HPSE2: variants seen among roughly 807,000 people sequenced by gnomAD.
HPSE2 encodes inactive heparanase-2.
In HPSE2, 38 loss-of-function variants were observed where a neutral mutation model predicts 60.5. The observed-to-expected ratio is 0.63, with a 90% CI of 0.48 to 0.82. The LOEUF (loss-of-function observed/expected upper bound fraction) is 0.82. HPSE2 is among the 40% of genes least tolerant of loss of function. HPSE2 has a pLI of 0.00. For synonymous variants in HPSE2, 295 were observed against 293.2 expected (o/e 1.01, Z -0.06); for missense variants, 713 against 740.4 (o/e 0.96, Z 0.43).
chr10:99,193,523 C>T (rs1456824969), intron 2 of HPSE2, among the ~76,000 whole-genome samples: 3 of 151,148 alleles, frequency 2.0e-5, no homozygotes, highest in Non-Finnish European at 3.0e-5. Flanking sequence ...ACCCAGTGAT[C>T]GGCTGCCTAC....
rs1356740976 is a variant in HPSE2 at position 99,118,738 on chromosome 10, C to T, written c.610+25500G>A. On this transcript the variant is annotated intron_variant, in intron 3 of 11. Transcript: ENST00000370552. ...GAAAGAAATAAAGGGCATCCCGGGC[C>T]GAGTGTGGTGGCTCACGCCTGTAAT... Among the ~76,000 whole-genome samples the T allele has an allele frequency of 1.3e-5, 2 of 151,598 alleles. 1 individual carries two copies. Among genetic ancestry groups the T allele is most frequent in the Non-Finnish European group, 2.9e-5 (2 of 67,916 alleles).
chr10:98,737,923 G>A (rs988300752), intron 4 of HPSE2, among the ~76,000 whole-genome samples: 5 of 152,172 alleles, frequency 3.3e-5, no homozygotes, highest in African/African-American at 9.7e-5. Context: ...TACATTCAAT[G>A]CTATGCTCAT....
chr10:98,943,904 G>A (rs1955100511), intron 3 of HPSE2, among the ~76,000 whole-genome samples: 1 of 152,164 alleles, frequency 6.6e-6, no homozygotes, highest in Non-Finnish European at 1.5e-5. Context: ...CAGCTTAGCA[G>A]CTTCCAATTT....
chr10:99,297,920 G>A, the HPSE2 span, among the ~76,000 whole-genome samples: 2 of 152,138 alleles, frequency 1.3e-5, no homozygotes, highest in African/African-American at 4.8e-5. Context: ...GCGAATGTTG[G>A]TCTTGCCTTT....
chr10:99,243,744 T>C, the HPSE2 span, among the ~76,000 whole-genome samples: 3 of 152,136 alleles, frequency 2.0e-5, no homozygotes, highest in Admixed American at 6.6e-5. Flanking sequence ...GAGACCAGCC[T>C]GGCCAACAAG....
chr10:98,987,302 T>TC (rs1427075613), intron 3 of HPSE2, among the ~76,000 whole-genome samples: 2 of 152,088 alleles, frequency 1.3e-5, no homozygotes, highest in Non-Finnish European at 2.9e-5. Flanking sequence ...TCCACCATGA[T>TC]CAAGTGGGCT....
intron 5 of HPSE2, among the ~76,000 whole-genome samples, chr10:98,718,156 C>G (rs1159692577): frequency 3.3e-5 from 5 of 151,992 alleles, no homozygotes; most frequent in Non-Finnish European, 7.4e-5. Flanking sequence ...AAAAGAAAAA[C>G]AAGAAACTGA....
chr10:98,553,251 C>A (rs897510993), intron 9 of HPSE2, among the ~76,000 whole-genome samples: 66 of 152,128 alleles, frequency 4.3e-4, no homozygotes, highest in African/African-American at 1.5e-3. Context: ...AAAGATAAGA[C>A]CAGAAATCTT....
At chr10:98,914,613 T>C (rs1954068009) in intron 3 of HPSE2, among the ~76,000 whole-genome samples, 2 of 147,166 alleles carry the variant, frequency 1.4e-5, no homozygotes, top group South Asian at 4.5e-4. Context: ...TCTGATCTAG[T>C]ATGTTCTTAC....
At chr10:99,175,942 G>A (rs1446527869) in intron 2 of HPSE2, among the ~76,000 whole-genome samples, 2 of 152,220 alleles carry the variant, frequency 1.3e-5, no homozygotes, top group Non-Finnish European at 2.9e-5. Context: ...AGCAATCTTT[G>A]CTGTTCTGCA....
chr10:98,547,473 C>A (rs1245837696), intron 9 of HPSE2, among the ~76,000 whole-genome samples: 1 of 149,452 alleles, frequency 6.7e-6, no homozygotes, highest in Non-Finnish European at 1.5e-5. Flanking sequence ...TACTATGCAG[C>A]CATAAAAAAT....
intron 3 of HPSE2, among the ~76,000 whole-genome samples, chr10:98,874,431 G>C (rs973959480): frequency 2.0e-5 from 3 of 151,904 alleles, no homozygotes; most frequent in Non-Finnish European, 2.9e-5. Flanking sequence ...GGGTGTAAAG[G>C]AATGTTTGTG....
At chr10:98,712,317 A>G (rs1021593810) in intron 5 of HPSE2, among the ~76,000 whole-genome samples, 5 of 152,032 alleles carry the variant, frequency 3.3e-5, no homozygotes, top group African/African-American at 1.2e-4. Context: ...AAAAATTGTT[A>G]TATGTCTTTA....
intron 3 of HPSE2, among the ~76,000 whole-genome samples, chr10:98,968,502 A>G (rs1955870419): frequency 6.6e-6 from 1 of 152,208 alleles, no homozygotes; most frequent in Non-Finnish European, 1.5e-5. Context: ...ACTACTGGGT[A>G]TTTACGCAAA....
At chr10:99,028,743 T>A (rs766937558) in intron 3 of HPSE2, among the ~76,000 whole-genome samples, 2 of 152,044 alleles carry the variant, frequency 1.3e-5, no homozygotes, top group Non-Finnish European at 2.9e-5. Context: ...TATACTACAG[T>A]GATACAGTAA....
intron 3 of HPSE2, among the ~76,000 whole-genome samples, chr10:99,026,223 A>G (rs1040383615): frequency 1.3e-5 from 2 of 152,106 alleles, no homozygotes; most frequent in African/African-American, 4.8e-5. Context: ...TCTGCTGCCT[A>G]CAAGAAACAC....
At chr10:98,938,085 C>T (rs1264327287) in intron 3 of HPSE2, among the ~76,000 whole-genome samples, 1 of 142,922 alleles carries the variant, frequency 7.0e-6, no homozygotes, top group Non-Finnish European at 1.5e-5. Context: ...AAAAACCCAT[C>T]TGTACATCAC....
At chr10:98,634,276 G>A (rs1946439108) in intron 7 of HPSE2, among the ~76,000 whole-genome samples, 1 of 152,084 alleles carries the variant, frequency 6.6e-6, no homozygotes, top group Non-Finnish European at 1.5e-5. Context: ...AACATGTATT[G>A]AGCACCTGCT....
chr10:99,117,912 TA>T (rs1261350751), intron 3 of HPSE2, among the ~76,000 whole-genome samples: 1 of 151,846 alleles, frequency 6.6e-6, no homozygotes, highest in Non-Finnish European at 1.5e-5. Context: ...AGACACAATT[TA>T]AAAAAAGAAA....
Sources: gnomAD v4.1 joint callset for allele counts (sites outside exome capture counted in the v4.1 genomes callset) on GRCh38, gnomAD v4.1.1 for gene constraint, MANE v1.5 for transcripts, NCBI Gene and HGNC (gene_info 2026-07-23, HGNC 2026-07-21) for gene names.